The following LRMDA variants were observed in gnomAD, a reference collection of about 807,000 sequenced individuals.
The protein encoded by LRMDA is leucine-rich melanocyte differentiation-associated protein.
A neutral mutation model predicts 29.8 loss-of-function variants in LRMDA; 18 were observed. The observed-to-expected ratio is 0.60, with a 90% CI of 0.42 to 0.90. The LOEUF (loss-of-function observed/expected upper bound fraction) is 0.90, where lower values mean the gene tolerates loss of function less well. Ranked by LOEUF, LRMDA falls within the 40% of genes least tolerant of loss-of-function variation. The probability of loss-of-function intolerance (pLI) is 0.00; values close to 1 mark genes in which losing one functional copy is unlikely to be tolerated. For synonymous variants in LRMDA, 125 were observed against 109.4 expected (o/e 1.14, Z -0.89); for missense variants, 273 against 273.9 (o/e 1.00, Z 0.02).
intron 2 of LRMDA, among the ~76,000 whole-genome samples, chr10:75,910,838 GT>G (rs1288600086): frequency 6.6e-6 from 1 of 152,144 alleles, no homozygotes; most frequent in African/African-American, 2.4e-5. Flanking sequence ...GGATACTTCT[GT>G]CCAGGCAAAA....
chr10:75,772,008 GA>G (rs1193020622), intron 2 of LRMDA, among the ~76,000 whole-genome samples: 2 of 151,004 alleles, frequency 1.3e-5, no homozygotes, highest in East Asian at 1.9e-4. Flanking sequence ...AGTAAATCTA[GA>G]AAAAAAAAGT....
chr10:76,279,539 CTT>C lies in LRMDA; in HGVS notation c.517-44840_517-44839del, dbSNP rs759651873. Among the ~76,000 whole-genome samples, 741 of 93,808 alleles carry C rather than the reference CTT, an allele frequency of 7.9e-3. 9 individuals are homozygous for C. The highest frequency in any genetic ancestry group is 0.078 in the East Asian group (262 of 3,352). The allele number at this position is 93,808 out of a possible 152,430, so 61.5% of individuals were successfully genotyped here. ...GATTAAAAACTAATAACAAATGCTTCTTTTTTTTTTTTTTTTTTTTTTTGAGA... is the reference window on the plus strand; with the variant it reads ...GATTAAAAACTAATAACAAATGCTTCTTTTTTTTTTTTTTTTTTTTTGAGA... On this transcript the variant is annotated intron_variant, in intron 5 of 6. Coordinates refer to ENST00000611255, the MANE Select transcript of LRMDA (RefSeq NM_001305581.2).
intron 2 of LRMDA, among the ~76,000 whole-genome samples, chr10:76,027,955 G>A (rs1848088148): frequency 6.6e-6 from 1 of 152,076 alleles, no homozygotes; most frequent in Admixed American, 6.5e-5. Context: ...ATTTAGGCTT[G>A]TTTGCAATGT....
rs3042518 is a variant in LRMDA at position 75,897,817 on chromosome 10, CTT to C, written c.132-138169_132-138168del. On this transcript the variant is annotated intron_variant, in intron 2 of 6. Coordinates refer to ENST00000611255, the MANE Select transcript of LRMDA (RefSeq NM_001305581.2). ...GTTTTGCTAAAGCACTTCTTCCTGC[CTT>C]TTTTTTTTTTTTTTTTTTTTTGAGA... is the stretch of plus-strand genomic sequence containing the variant. Among the ~76,000 whole-genome samples the C allele has an allele frequency of 2.0e-3, 159 of 78,424 alleles. 3 individuals are homozygous for C. The highest frequency in any genetic ancestry group is 0.012 in the East Asian group (26 of 2,166). The allele number at this position is 78,424 out of a possible 152,430, so 51.4% of individuals were successfully genotyped here. A position where few individuals can be genotyped will look rare whatever the true frequency, so the allele number is the denominator to read the frequency against.
intron 2 of LRMDA, among the ~76,000 whole-genome samples, chr10:75,643,828 T>TGCAG (rs921016770): frequency 1.1e-4 from 16 of 152,298 alleles, no homozygotes; most frequent in African/African-American, 3.8e-4. Context: ...AGAGGTACCC[T>TGCAG]GGTACAGTAA....
intron 6 of LRMDA, among the ~76,000 whole-genome samples, chr10:76,337,122 G>A (rs571588788): frequency 1.3e-5 from 2 of 152,108 alleles, no homozygotes; most frequent in Non-Finnish European, 2.9e-5. Context: ...ATATTCCATA[G>A]CCTCCATTTC....
intron 6 of LRMDA, among the ~76,000 whole-genome samples, chr10:76,445,216 A>G (rs1166901060): frequency 6.6e-6 from 1 of 152,126 alleles, no homozygotes; most frequent in Admixed American, 6.5e-5. Flanking sequence ...ATAATAAAGA[A>G]CAGAAGGCTG....
intron 5 of LRMDA, among the ~76,000 whole-genome samples, chr10:76,263,600 G>A (rs932193820): frequency 1.3e-5 from 2 of 152,160 alleles, no homozygotes; most frequent in Admixed American, 1.3e-4. Context: ...TGTAAGCCCA[G>A]GCAGGGATGG....
intron 2 of LRMDA, among the ~76,000 whole-genome samples, chr10:75,992,573 C>T (rs919655559): frequency 6.6e-6 from 1 of 152,164 alleles, no homozygotes; most frequent in Non-Finnish European, 1.5e-5. Context: ...TGCTGTTTTG[C>T]TAACGGGCAT....
chr10:76,093,721 T>C (rs907565868), intron 5 of LRMDA, among the ~76,000 whole-genome samples: 5 of 152,150 alleles, frequency 3.3e-5, no homozygotes, highest in African/African-American at 1.2e-4. Flanking sequence ...TATGTGGCCC[T>C]CACCAGGGTC....
intron 2 of LRMDA, among the ~76,000 whole-genome samples, chr10:75,557,487 C>G (rs542632675): frequency 6.6e-6 from 1 of 152,148 alleles, no homozygotes; most frequent in Non-Finnish European, 1.5e-5. Flanking sequence ...GGGAGGCAGC[C>G]TGGCTATGAA....
At chr10:75,436,055 TTAAA>T (rs1284036354) in intron 1 of LRMDA, among the ~76,000 whole-genome samples, 3 of 133,360 alleles carry the variant, frequency 2.2e-5, no homozygotes, top group Admixed American at 2.2e-4. Context: ...CCCCATCTCT[TTAAA>T]AAAAAAAAAA....
At chr10:75,766,486 T>C (rs1843169726) in intron 2 of LRMDA, among the ~76,000 whole-genome samples, 1 of 152,230 alleles carries the variant, frequency 6.6e-6, no homozygotes, top group Non-Finnish European at 1.5e-5. Flanking sequence ...GGCTTTCCAC[T>C]GAGGTGGGCA....
chr10:76,374,012 G>A (rs926217069), intron 6 of LRMDA, among the ~76,000 whole-genome samples: 2 of 152,198 alleles, frequency 1.3e-5, no homozygotes, highest in African/African-American at 2.4e-5. Context: ...GGTGCTGAAA[G>A]CAATGCTGTT....
intron 5 of LRMDA, among the ~76,000 whole-genome samples, chr10:76,274,138 C>T (rs1307792061): frequency 2.0e-5 from 3 of 152,140 alleles, no homozygotes; most frequent in Non-Finnish European, 4.4e-5. Flanking sequence ...GTTTCAGGAT[C>T]ACCAGTTCCA....
intron 6 of LRMDA, among the ~76,000 whole-genome samples, chr10:76,493,377 C>T (rs1907328): frequency 0.27 from 41,500 of 151,804 alleles, 6,320 homozygotes; most frequent in Non-Finnish European, 0.34. Flanking sequence ...GCTGCCAGGC[C>T]TGGGACCCAT....
chr10:76,302,845 A>G (rs1445528056), intron 5 of LRMDA, among the ~76,000 whole-genome samples: 2 of 152,196 alleles, frequency 1.3e-5, no homozygotes, highest in Non-Finnish European at 2.9e-5. Context: ...GAAGGTTTCC[A>G]TGTAATACCT....
intron 5 of LRMDA, among the ~76,000 whole-genome samples, chr10:76,165,085 GC>G (rs769744197): frequency 1.3e-5 from 2 of 152,198 alleles, no homozygotes; most frequent in Non-Finnish European, 2.9e-5. Context: ...CAATTCTCCT[GC>G]CTCAGTTTCC....
In LRMDA at chr10:76,219,720, T is replaced by C. The variant is rs892883274; in HGVS notation, c.517-104681T>C. On this transcript the variant is annotated intron_variant, in intron 5 of 6. Transcript: ENST00000611255. Reference sequence around the variant, plus strand: ...TAGACAGATCAACGAGACAGAAAGTTAACAAGGATACCCAGGAATTGAACT... The same window carrying C: ...TAGACAGATCAACGAGACAGAAAGTCAACAAGGATACCCAGGAATTGAACT... Among the ~76,000 whole-genome samples the C allele has an allele frequency of 6.2e-4, 94 of 152,022 alleles. 1 individual carries two copies. Among genetic ancestry groups the C allele is most frequent in the Admixed American group, 6.6e-4 (10 of 15,266 alleles).
Sources: gnomAD v4.1 joint callset for allele counts (sites outside exome capture counted in the v4.1 genomes callset) on GRCh38, gnomAD v4.1.1 for gene constraint, MANE v1.5 for transcripts, NCBI Gene and HGNC (gene_info 2026-07-23, HGNC 2026-07-21) for gene names.